The following VAV3 variants were observed in gnomAD, a reference collection of about 807,000 sequenced individuals.
The protein encoded by VAV3 is vav guanine nucleotide exchange factor 3, also known as guanine nucleotide exchange factor VAV3.
Under a neutral mutation model 131.2 loss-of-function variants are expected in VAV3, and 94 were observed. That is an observed-to-expected ratio of 0.72 (90% confidence interval 0.61 to 0.85). The LOEUF (loss-of-function observed/expected upper bound fraction) is 0.85. VAV3 is among the 40% of genes least tolerant of loss of function. The pLI, the probability that VAV3 is intolerant of heterozygous loss-of-function variation, is 0.00. For missense variants in VAV3, 939 were observed against 1,002.7 expected, an observed-to-expected ratio of 0.94 and a Z score of 0.86; for synonymous variants, 349 against 342.0, an observed-to-expected ratio of 1.02 and a Z score of -0.22.
At chr1:107,914,915 G>A (rs1440005658) in intron 1 of VAV3, among the ~76,000 whole-genome samples, 1 of 152,202 alleles carries the variant, frequency 6.6e-6, no homozygotes, top group Non-Finnish European at 1.5e-5. Context: ...GGACTGAAGG[G>A]CAAACCCTGC....
chr1:107,599,490 A>C (rs1014862052), intron 24 of VAV3, among the ~76,000 whole-genome samples: 1 of 152,200 alleles, frequency 6.6e-6, no homozygotes, highest in African/African-American at 2.4e-5. Flanking sequence ...TCCAATTACC[A>C]AGGAAACAGG....
intron 2 of VAV3, among the ~76,000 whole-genome samples, chr1:107,854,933 C>T (rs1164973758): frequency 6.6e-6 from 1 of 152,198 alleles, no homozygotes; most frequent in Non-Finnish European, 1.5e-5. Context: ...AGATGACTTT[C>T]CCCTACATAG....
chr1:107,597,239 A>C (rs933360206), intron 24 of VAV3, among the ~76,000 whole-genome samples: 121 of 146,956 alleles, frequency 8.2e-4, no homozygotes, highest in African/African-American at 2.7e-3. Flanking sequence ...AAAAAAAAAA[A>C]CAGAAAAAAA....
chr1:107,631,066 A>G (rs1654433689), intron 20 of VAV3, among the ~76,000 whole-genome samples: 1 of 152,190 alleles, frequency 6.6e-6, no homozygotes, highest in African/African-American at 2.4e-5. Flanking sequence ...AAGACTGTTT[A>G]GCAAGTGATT....
intron 1 of VAV3, among the ~76,000 whole-genome samples, chr1:107,891,475 A>G (rs1232575507): frequency 2.0e-5 from 3 of 152,126 alleles, no homozygotes; most frequent in African/African-American, 4.8e-5. Flanking sequence ...AAAGACCTGG[A>G]TGCAAATCCT....
chr1:107,783,057 C>A (rs940706299), intron 2 of VAV3, among the ~76,000 whole-genome samples: 21 of 152,234 alleles, frequency 1.4e-4, no homozygotes, highest in African/African-American at 4.8e-4. Flanking sequence ...TTCCCTTTGT[C>A]TATCCTTTGG....
intron 19 of VAV3, among the ~76,000 whole-genome samples, chr1:107,682,913 T>C (rs370906522): frequency 6.6e-6 from 1 of 152,106 alleles, no homozygotes; most frequent in East Asian, 1.9e-4. Flanking sequence ...GGATGAAAAA[T>C]AATTATACTA....
At chr1:107,766,613 C>A in intron 7 of VAV3, 63 bp from the exon 8 acceptor site, 1 of 1,281,918 alleles carries the variant, frequency 7.8e-7, no homozygotes, top group Non-Finnish European at 1.1e-6. Context: ...CACCCCAAAC[C>A]CAGAATCCTT....
At chr1:107,628,766 G>A (rs1654228348) in intron 20 of VAV3, among the ~76,000 whole-genome samples, 1 of 152,156 alleles carries the variant, frequency 6.6e-6, no homozygotes, top group Admixed American at 6.6e-5. Flanking sequence ...GGGACCACAA[G>A]TCTGAAAAGG....
At position 107,872,661 on chromosome 1, in the gene VAV3, C is replaced by T. The variant is rs11185189; in HGVS notation, c.321+2240G>A. On this transcript the variant is annotated intron_variant, in intron 2 of 26. Transcript: ENST00000370056. ...TAGTATCCACATGTTGGGATTGATG[C>T]GCTGATTCCCTCAATATATGCAAAG... is the stretch of plus-strand genomic sequence containing the variant. 4.7e-3 allele frequency among the ~76,000 whole-genome samples: 723 copies of T among 152,228 alleles called. 5 individuals are homozygous for T. The highest frequency in any genetic ancestry group is 0.016 in the African/African-American group (650 of 41,544).
At chr1:107,599,432 G>C (rs1413851268) in intron 24 of VAV3, among the ~76,000 whole-genome samples, 2 of 152,184 alleles carry the variant, frequency 1.3e-5, no homozygotes, top group African/African-American at 4.8e-5. Flanking sequence ...TGACACAGCA[G>C]TGTCAACAAT....
chr1:107,650,500 G>C (rs539183246), intron 19 of VAV3, among the ~76,000 whole-genome samples: 1 of 151,512 alleles, frequency 6.6e-6, no homozygotes, highest in African/African-American at 2.4e-5. Flanking sequence ...TTCCCAACAT[G>C]ATGGTATTAG....
At chr1:107,769,873 G>C (rs1664941805) in intron 6 of VAV3, among the ~76,000 whole-genome samples, 1 of 151,966 alleles carries the variant, frequency 6.6e-6, no homozygotes, top group African/African-American at 2.4e-5. Flanking sequence ...AATTTACTCA[G>C]AATCTGACCA....
chr1:107,902,367 CTT>C (rs1474247164), intron 1 of VAV3, among the ~76,000 whole-genome samples: 4 of 152,102 alleles, frequency 2.6e-5, no homozygotes, highest in Non-Finnish European at 5.9e-5. Flanking sequence ...CTTACATTGA[CTT>C]TATTCATCTT....
At chr1:107,778,812 C>T (rs1355431177) in intron 3 of VAV3, among the ~76,000 whole-genome samples, 1 of 152,182 alleles carries the variant, frequency 6.6e-6, no homozygotes, top group Admixed American at 6.5e-5. Context: ...TATAATACAT[C>T]TTTGCTGACT....
chr1:107,952,485 T>TATATATATATATATACAC lies in VAV3; in HGVS notation c.204+12180_204+12181insGTGTATATATATATATAT, dbSNP rs1317970944. The stretch of plus-strand genomic sequence containing the variant: ...ACAAAACTTTATATATATATATATA[T>TATATATATATATATACAC]ACACACATAAATTCAACCTAAAAAA... On this transcript the variant is annotated intron_variant, in intron 1 of 26. Coordinates refer to ENST00000370056, the MANE Select transcript of VAV3 (RefSeq NM_006113.5). Among the ~76,000 whole-genome samples the TATATATATATATATACAC allele has an allele frequency of 1.5e-3, 140 of 94,418 alleles. 3 individuals carry two copies. The highest frequency in any genetic ancestry group is 0.01 in the East Asian group (30 of 2,982). The allele number at this position is 94,418 out of a possible 152,430, so 61.9% of individuals were successfully genotyped here.
chr1:107,835,267 G>A (rs755283041), intron 2 of VAV3, among the ~76,000 whole-genome samples: 2 of 152,172 alleles, frequency 1.3e-5, no homozygotes, highest in Non-Finnish European at 2.9e-5. Context: ...GGCCCCACAT[G>A]AGTGCTTTCC....
intron 3 of VAV3, 22 bp downstream of exon 3, chr1:107,779,412 G>A (rs749445879): frequency 1.3e-6 from 2 of 1,567,054 alleles, no homozygotes; most frequent in Admixed American, 1.9e-5. Flanking sequence ...TGGGACACAT[G>A]AACAACGAAA....
chr1:107,841,065 T>G (rs1413602662), intron 2 of VAV3, among the ~76,000 whole-genome samples: 2 of 152,132 alleles, frequency 1.3e-5, no homozygotes, highest in African/African-American at 4.8e-5. Flanking sequence ...AGGGCAGAGT[T>G]GGCCAGTACC....
Sources: gnomAD v4.1 joint callset for allele counts (sites outside exome capture counted in the v4.1 genomes callset) on GRCh38, gnomAD v4.1.1 for gene constraint, MANE v1.5 for transcripts, NCBI Gene and HGNC (gene_info 2026-07-23, HGNC 2026-07-21) for gene names.